Variants in ZNF215 observed in about 807,000 individuals in gnomAD.
ZNF215 encodes zinc finger protein 215.
In ZNF215, 24 loss-of-function variants were observed where a neutral mutation model predicts 27.2. The ratio of observed to expected loss-of-function variants is 0.88; its 90% CI spans 0.64 to 1.24. ZNF215 has a LOEUF of 1.24. Among genes scored for constraint, ZNF215 ranks in the 50% most tolerant of loss-of-function variants. ZNF215 has a pLI of 0.00. For synonymous variants in ZNF215, 210 were observed against 204.0 expected (o/e 1.03, Z -0.25); for missense variants, 675 against 605.7 (o/e 1.11, Z -1.20).
chr11:6,943,663 G>A, intron 6 of ZNF215, 22 bp downstream of exon 6: 2 of 1,551,998 alleles, frequency 1.3e-6, no homozygotes, highest in South Asian at 2.2e-5. Flanking sequence ...GTAGATATGA[G>A]GCCATAGTAA....
intron 5 of ZNF215, among the ~76,000 whole-genome samples, chr11:6,981,130 T>G (rs1395003044): frequency 6.6e-6 from 1 of 151,212 alleles, no homozygotes; most frequent in Non-Finnish European, 1.5e-5. Context: ...TACCCAGTAA[T>G]GGGATGGCTG....
downstream of ZNF215, among the ~76,000 whole-genome samples, chr11:6,960,906 T>C (rs1850503325): frequency 6.6e-6 from 1 of 152,166 alleles, no homozygotes; most frequent in South Asian, 2.1e-4. Context: ...ACCCTGGACC[T>C]TTGGATTCTT....
At chr11:6,948,757 T>TTTA in intron 6 of ZNF215, among the ~76,000 whole-genome samples, 1 of 152,186 alleles carries the variant, frequency 6.6e-6, no homozygotes, top group African/African-American at 2.4e-5. Context: ...TTATTTTTAT[T>TTTA]TTATTATTAT....
At chr11:6,950,256 C>G (rs907004317) in intron 6 of ZNF215, among the ~76,000 whole-genome samples, 7 of 146,146 alleles carry the variant, frequency 4.8e-5, no homozygotes, top group African/African-American at 1.5e-4. Context: ...TAGTTTTTTC[C>G]AATTCTGTGA....
chr11:6,941,204 A>G (rs1849621701), intron 3 of ZNF215, among the ~76,000 whole-genome samples: 1 of 152,224 alleles, frequency 6.6e-6, no homozygotes, highest in African/African-American at 2.4e-5. Flanking sequence ...ATAAAATATT[A>G]TAAGCTCCAA....
In ZNF215 at chr11:6,943,213, A is replaced by C. The variant is rs1460255888; in HGVS notation, c.614A>C (p.Lys205Thr). The change falls in exon 5 of 7, where the codon AAA becomes ACA. Residue 205 changes from lysine (K) to threonine (T), a missense_variant and splice_region_variant. Lys to Thr is a moderately conservative substitution (Grantham distance 78, BLOSUM62 -1). Transcript: ENST00000278319. Reference protein sequence around the residue: ...ENFRNLNSLRKAHLLSKPFES... With the variant: ...ENFRNLNSLRTAHLLSKPFES... Reference sequence around the variant, plus strand: ...TTTAGGAACCTGAATTCATTGCGTAAAGGTGGTTTCTATATGTTTACCTAA... The same window carrying C: ...TTTAGGAACCTGAATTCATTGCGTACAGGTGGTTTCTATATGTTTACCTAA... 1 of 1,611,118 alleles carries C rather than the reference A, an allele frequency of 6.2e-7. No individual in the cohort carries two copies. Among genetic ancestry groups the C allele is most frequent in the Admixed American group, 1.7e-5 (1 of 59,388 alleles).
intron 5 of ZNF215, among the ~76,000 whole-genome samples, chr11:6,973,116 A>G (rs571279087): frequency 6.6e-6 from 1 of 152,116 alleles, no homozygotes; most frequent in East Asian, 1.9e-4. Flanking sequence ...CTCATTGCTC[A>G]ATTCCCACCT....
intron 5 of ZNF215, among the ~76,000 whole-genome samples, chr11:6,983,663 G>A (rs762854): frequency 0.32 from 49,331 of 151,978 alleles, 8,455 homozygotes; most frequent in African/African-American, 0.41. Flanking sequence ...ATTATGAAGT[G>A]GAAATAGCAA....
At chr11:6,946,580 C>G (rs892662356) in intron 6 of ZNF215, among the ~76,000 whole-genome samples, 3 of 152,222 alleles carry the variant, frequency 2.0e-5, no homozygotes, top group African/African-American at 7.2e-5. Context: ...ATAGGACACT[C>G]TTCCCCCCGT....
chr11:6,987,104 A>G (rs979869995), downstream of ZNF215, among the ~76,000 whole-genome samples: 3 of 152,198 alleles, frequency 2.0e-5, no homozygotes, highest in South Asian at 2.1e-4. Context: ...TTGCAGAACT[A>G]TTCACAATAG....
At chr11:6,968,865 CAA>C (rs111730871) in intron 5 of ZNF215, among the ~76,000 whole-genome samples, 1 of 146,396 alleles carries the variant, frequency 6.8e-6, no homozygotes, top group African/African-American at 2.5e-5. Context: ...GACCCCATCT[CAA>C]AAAAAAAAAT....
chr11:6,964,162 T>C (rs565712583), intron 5 of ZNF215, among the ~76,000 whole-genome samples: 27 of 152,114 alleles, frequency 1.8e-4, no homozygotes, highest in Non-Finnish European at 3.1e-4. Flanking sequence ...AGTTGTTAAG[T>C]TTTGACAGTT....
chr11:6,936,256 A>T (rs1486964844), intron 3 of ZNF215, among the ~76,000 whole-genome samples: 1 of 152,096 alleles, frequency 6.6e-6, no homozygotes, highest in African/African-American at 2.4e-5. Flanking sequence ...GTTTAGCTAC[A>T]CTGATCAAGA....
intron 6 of ZNF215, among the ~76,000 whole-genome samples, chr11:6,994,295 A>G (rs1025175245): frequency 2.6e-5 from 4 of 152,058 alleles, no homozygotes; most frequent in African/African-American, 9.7e-5. Flanking sequence ...AGCTCATAGG[A>G]ATCTTACCCT....
chr11:6,948,821 C>T (rs1289004346), intron 6 of ZNF215, among the ~76,000 whole-genome samples: 1 of 151,824 alleles, frequency 6.6e-6, no homozygotes, highest in Non-Finnish European at 1.5e-5. Context: ...CACTTGTATA[C>T]ATGTGCCATG....
At chr11:6,935,468 C>A (rs1849401249) in intron 3 of ZNF215, among the ~76,000 whole-genome samples, 1 of 152,066 alleles carries the variant, frequency 6.6e-6, no homozygotes, top group African/African-American at 2.4e-5. Context: ...GCTGAGGGAA[C>A]AGATTCATGC....
intron 3 of ZNF215, among the ~76,000 whole-genome samples, chr11:6,940,985 A>G (rs1849614767): frequency 6.6e-6 from 1 of 152,178 alleles, no homozygotes; most frequent in South Asian, 2.1e-4. Flanking sequence ...GTAACTCATG[A>G]ATCTTCCAGA....
chr11:6,956,098 C>T lies in ZNF215; in HGVS notation c.1121C>T (p.Thr374Ile). Residue 374 changes from threonine to isoleucine, a missense_variant, in exon 7 of 7, where the codon ACT (threonine) becomes ATT (isoleucine). Coordinates refer to ENST00000278319, the MANE Select transcript of ZNF215 (RefSeq NM_013250.4). ...GATATTCGACACCAAAAAAGTCATACTACAATGAATTCCTATGAATGTTAT... is the reference window on the plus strand; with the variant it reads ...GATATTCGACACCAAAAAAGTCATATTACAATGAATTCCTATGAATGTTAT... Reference protein sequence around the residue: ...STDIRHQKSHTTMNSYECYQC... With the variant: ...STDIRHQKSHITMNSYECYQC... 6.2e-7 allele frequency: 1 copy of T among 1,613,276 alleles called. No homozygotes were observed. The highest frequency in any genetic ancestry group is 8.5e-7 in the Non-Finnish European group (1 of 1,179,850).
At chr11:6,930,650 A>G (rs1265724111) in intron 2 of ZNF215, among the ~76,000 whole-genome samples, 2 of 152,368 alleles carry the variant, frequency 1.3e-5, no homozygotes, top group African/African-American at 4.8e-5. Flanking sequence ...CTTTTGGCCA[A>G]TATGTAAGAT....
Sources: allele counts gnomAD v4.1 joint callset (sites outside exome capture counted in the v4.1 genomes callset), GRCh38; gene constraint gnomAD v4.1.1; transcripts MANE v1.5; gene names NCBI Gene and HGNC (gene_info 2026-07-23, HGNC 2026-07-21).